Variants in KAZN observed in about 807,000 individuals in gnomAD.
KAZN encodes kazrin.
KAZN carries 40 observed loss-of-function variants against 87.4 expected under a neutral mutation model. The ratio of observed to expected loss-of-function variants is 0.46; its 90% confidence interval spans 0.36 to 0.60. The LOEUF (loss-of-function observed/expected upper bound fraction) is 0.60, where lower values mean the gene tolerates loss of function less well. Ranked by LOEUF, KAZN falls within the 20% of genes least tolerant of loss-of-function variation. KAZN has a pLI of 0.00. For synonymous variants in KAZN, 466 were observed against 458.3 expected, an observed-to-expected ratio of 1.02 and a Z score of -0.22; for missense variants, 898 against 1,073.9, an observed-to-expected ratio of 0.84 and a Z score of 2.29.
intron 2 of KAZN, among the ~76,000 whole-genome samples, chr1:14,239,117 A>C (rs190219751): frequency 6.6e-5 from 10 of 152,338 alleles, no homozygotes; most frequent in African/African-American, 2.4e-4. Flanking sequence ...GTCAAAAAGA[A>C]AGATTACGTA....
At chr1:13,949,883 T>G (rs1034133381) in intron 1 of KAZN, among the ~76,000 whole-genome samples, 8 of 152,218 alleles carry the variant, frequency 5.3e-5, no homozygotes, top group Non-Finnish European at 1.2e-4. Flanking sequence ...CCATCCAGTT[T>G]GGACCTGGGA....
At chr1:14,195,226 T>C (rs988111810) in intron 2 of KAZN, among the ~76,000 whole-genome samples, 6 of 152,162 alleles carry the variant, frequency 3.9e-5, no homozygotes, top group Non-Finnish European at 7.3e-5. Context: ...TTCAAGGCTG[T>C]TCCTTCTTCA....
intron 1 of KAZN, among the ~76,000 whole-genome samples, chr1:14,886,022 C>T (rs1428314529): frequency 6.6e-6 from 1 of 152,094 alleles, no homozygotes; most frequent in Non-Finnish European, 1.5e-5. Context: ...CACCCCCCGC[C>T]CCACCCCACA....
chr1:14,881,910 C>T (rs1341567344), intron 1 of KAZN, among the ~76,000 whole-genome samples: 1 of 151,994 alleles, frequency 6.6e-6, no homozygotes, highest in Non-Finnish European at 1.5e-5. Flanking sequence ...TCTGAACTCA[C>T]TGTAAGCTCC....
At chr1:14,471,331 T>C (rs1340851310) in intron 2 of KAZN, among the ~76,000 whole-genome samples, 1 of 152,200 alleles carries the variant, frequency 6.6e-6, no homozygotes, top group Non-Finnish European at 1.5e-5. Context: ...AAATAACACA[T>C]ATTCAGGCAT....
intron 2 of KAZN, among the ~76,000 whole-genome samples, chr1:14,503,247 G>A (rs1670362823): frequency 1.3e-5 from 2 of 151,900 alleles, no homozygotes; most frequent in African/African-American, 4.8e-5. Flanking sequence ...ACTTTGGGAG[G>A]CTAAGGCAGG....
At chr1:15,014,280 G>T (rs562879875) in intron 2 of KAZN, among the ~76,000 whole-genome samples, 57 of 152,156 alleles carry the variant, frequency 3.7e-4, no homozygotes, top group Non-Finnish European at 7.5e-4. Context: ...TTGTGAGGAA[G>T]TGACTTTTAC....
chr1:15,088,750 C>G (rs534029694), intron 8 of KAZN, among the ~76,000 whole-genome samples: 1 of 152,196 alleles, frequency 6.6e-6, no homozygotes, highest in South Asian at 2.1e-4. Flanking sequence ...CACGTCGTCT[C>G]GTTGGTGCTC....
intron 2 of KAZN, among the ~76,000 whole-genome samples, chr1:14,401,094 T>C (rs1238582914): frequency 6.6e-6 from 1 of 152,124 alleles, no homozygotes; most frequent in East Asian, 1.9e-4. Flanking sequence ...ACAATGGGTT[T>C]TCAAAGGGGA....
At chr1:14,776,734 T>C (rs1055239312) in intron 1 of KAZN, among the ~76,000 whole-genome samples, 2 of 151,942 alleles carry the variant, frequency 1.3e-5, no homozygotes, top group African/African-American at 4.8e-5. Flanking sequence ...GGAGACCAAT[T>C]TGGGCAACAC....
chr1:14,452,819 G>T (rs1331540893), intron 2 of KAZN, among the ~76,000 whole-genome samples: 1 of 152,170 alleles, frequency 6.6e-6, no homozygotes. Context: ...GGAAATAGCC[G>T]CCTTTCTTGA....
At chr1:14,273,410 T>A (rs1369879282) in intron 2 of KAZN, among the ~76,000 whole-genome samples, 1 of 152,210 alleles carries the variant, frequency 6.6e-6, no homozygotes, top group African/African-American at 2.4e-5. Flanking sequence ...TAAGTCTTAA[T>A]GATATATGTA....
chr1:15,011,990 C>T (rs1669616653), intron 2 of KAZN, among the ~76,000 whole-genome samples: 1 of 152,164 alleles, frequency 6.6e-6, no homozygotes, highest in African/African-American at 2.4e-5. Context: ...CCTTTCTGTA[C>T]ACCCCCCAGC....
At chr1:14,934,906 C>G (rs1660272224) in intron 1 of KAZN, among the ~76,000 whole-genome samples, 1 of 152,262 alleles carries the variant, frequency 6.6e-6, no homozygotes, top group Admixed American at 6.5e-5. Context: ...TTCCCTGCTG[C>G]CCAACAGCTT....
chr1:14,687,210 G>T (rs1641005070), intron 1 of KAZN, among the ~76,000 whole-genome samples: 2 of 152,172 alleles, frequency 1.3e-5, no homozygotes, highest in Non-Finnish European at 2.9e-5. Context: ...CCCCCATAAG[G>T]CTGGGTCGAG....
intron 2 of KAZN, among the ~76,000 whole-genome samples, chr1:14,407,819 T>TGA (rs1332953229): frequency 1.3e-5 from 2 of 152,222 alleles, no homozygotes; most frequent in Non-Finnish European, 2.9e-5. Flanking sequence ...TGGTAGGTCT[T>TGA]AAGTTATGAG....
At chr1:14,162,189 T>C (rs561223984) in intron 1 of KAZN, among the ~76,000 whole-genome samples, 104 of 152,176 alleles carry the variant, frequency 6.8e-4, no homozygotes, top group Non-Finnish European at 1.3e-3. Flanking sequence ...AGCTGCAAAG[T>C]TTTCTTAATC....
chr1:15,094,904 G>C lies in KAZN; in HGVS notation c.1518G>C (p.Glu506Asp). 1 of 1,550,512 alleles carries C rather than the reference G, an allele frequency of 6.4e-7. No individual in the cohort carries two copies. Among genetic ancestry groups the C allele is most frequent in the Admixed American group, 2.0e-5 (1 of 50,990 alleles). Reference sequence around the variant, plus strand: ...GGCGCAAGCTGCGCCTGGCCATCGAGGACTACCGTGATGCCGAGGCAGGCC... The same window carrying C: ...GGCGCAAGCTGCGCCTGGCCATCGACGACTACCGTGATGCCGAGGCAGGCC... ...LHRRKLRLAIEDYRDAEAGRS... is the reference protein window; with the variant it reads ...LHRRKLRLAIDDYRDAEAGRS... Residue 506 changes from glutamate to aspartate, a missense_variant, in exon 10 of 15, where the codon GAG (glutamate) becomes GAC (aspartate). This residue lies in a region of KAZN where 521 missense variants were observed against 689.4 expected (regional missense o/e 0.76). Transcript: ENST00000376030. The surrounding 1 kb of genome is among the most constrained non-coding windows in gnomAD (Gnocchi z 4.5).
chr1:13,969,024 T>C (rs1226819018), intron 1 of KAZN, among the ~76,000 whole-genome samples: 1 of 152,250 alleles, frequency 6.6e-6, no homozygotes, highest in Non-Finnish European at 1.5e-5. Context: ...GTATGGATTA[T>C]TCTTCACGAA....
Sources: gnomAD v4.1 joint callset for allele counts (sites outside exome capture counted in the v4.1 genomes callset) on GRCh38, gnomAD v4.1.1 for gene constraint, gnomAD v4.1.1 regional missense constraint, Gnocchi (gnomAD v3.1) non-coding constraint, MANE v1.5 for transcripts, NCBI Gene and HGNC (gene_info 2026-07-23, HGNC 2026-07-21) for gene names.